Variants in POLB observed in about 807,000 individuals in gnomAD.
POLB encodes the protein DNA polymerase beta.
In POLB, 37 loss-of-function variants were observed where a neutral mutation model predicts 52.7. That is an observed-to-expected ratio of 0.70 (90% CI 0.54 to 0.92). The LOEUF (loss-of-function observed/expected upper bound fraction) is 0.92, where lower values mean the gene tolerates loss of function less well. Among genes scored for constraint, POLB ranks in the 40% least tolerant of loss-of-function variants. The pLI, the probability that POLB is intolerant of heterozygous loss-of-function variation, is 0.00. For missense variants in POLB, 313 were observed against 400.8 expected, an observed-to-expected ratio of 0.78 and a Z score of 1.87; for synonymous variants, 138 against 131.3, an observed-to-expected ratio of 1.05 and a Z score of -0.35.
intron 9 of POLB, among the ~76,000 whole-genome samples, chr8:42,359,236 C>A (rs951421435): frequency 1.3e-5 from 2 of 152,068 alleles, no homozygotes; most frequent in Non-Finnish European, 2.9e-5. Context: ...ATCTTTATTT[C>A]TTTCTTCTCT....
chr8:42,365,056 C>T (rs1184503951), intron 11 of POLB, among the ~76,000 whole-genome samples: 1 of 151,678 alleles, frequency 6.6e-6, no homozygotes, highest in Admixed American at 6.6e-5. Context: ...TACTGCACTC[C>T]AGCCTGGGTG....
rs546939939 is a variant in POLB, at chr8:42,369,919, A to G, written c.844A>G (p.Met282Val). 1 of 1,601,836 alleles carries G rather than the reference A, an allele frequency of 6.2e-7. No individual in the cohort carries two copies. Among genetic ancestry groups the G allele is most frequent in the Admixed American group, 1.7e-5 (1 of 59,918 alleles). ...TGGGAGTGATATTTTCAATAAGAAT[A>G]TGAGGGCTCATGCCCTAGAAAAGGG... ...FTGSDIFNKN[M>V]RAHALEKGFT... Residue 282 changes from methionine (M) to valine (V), a missense_variant, in exon 13 of 14, where the codon ATG becomes GTG. Met to Val is a conservative substitution (Grantham distance 21, BLOSUM62 1). Transcript: ENST00000265421.
intron 6 of POLB, among the ~76,000 whole-genome samples, chr8:42,352,797 A>C (rs1188997029): frequency 6.6e-6 from 1 of 152,164 alleles, no homozygotes; most frequent in Non-Finnish European, 1.5e-5. Flanking sequence ...ACCAAGAACC[A>C]GGGCCAGGCG....
intron 2 of POLB, among the ~76,000 whole-genome samples, chr8:42,340,402 G>A (rs1235936547): frequency 6.6e-6 from 1 of 152,222 alleles, no homozygotes; most frequent in Non-Finnish European, 1.5e-5. Flanking sequence ...TTCAGGGTAT[G>A]TGCGTAAGGT....
intron 12 of POLB, 74 bp from the exon 13 acceptor site, chr8:42,369,775 G>T (rs1180299697): frequency 3.1e-6 from 3 of 953,586 alleles, no homozygotes; most frequent in Non-Finnish European, 1.6e-6. Flanking sequence ...GTTCCTTATT[G>T]ATTTTAGGAG....
chr8:42,358,476 T>C (rs944684740), intron 9 of POLB, among the ~76,000 whole-genome samples: 1 of 151,916 alleles, frequency 6.6e-6, no homozygotes, highest in East Asian at 1.9e-4. Context: ...CACTCCAGCC[T>C]GGGCGACAGA....
rs1226190535 is a variant in POLB at position 42,369,307 on chromosome 8, G to A, written c.745G>A (p.Glu249Lys). 6.3e-7 allele frequency: 1 copy of A among 1,593,078 alleles called. No homozygotes were observed. ...CQLPSKNDEK[E>K]YPHRRIDIRL... ...GCTTCCCAGTAAAAATGATGAAAAA[G>A]AATATCCACACAGAAGAATTGATAT... is the stretch of plus-strand genomic sequence containing the variant. Residue 249 changes from glutamate to lysine, a missense_variant, in exon 12 of 14, where the codon GAA (glutamate) becomes AAA (lysine). By Grantham distance (56) the Glu-to-Lys change is moderately conservative (BLOSUM62 1). Coordinates refer to ENST00000265421, the MANE Select transcript of POLB (RefSeq NM_002690.3).
intron 13 of POLB, 128 bp downstream of exon 13, chr8:42,370,116 C>T: frequency 4.0e-6 from 3 of 758,184 alleles, no homozygotes; most frequent in Non-Finnish European, 6.9e-6. Context: ...ATTTTTAGTC[C>T]TTCAGGCAAC....
intron 11 of POLB, among the ~76,000 whole-genome samples, chr8:42,368,644 A>G (rs563626536): frequency 1.3e-5 from 2 of 152,334 alleles, no homozygotes; most frequent in East Asian, 3.8e-4. Context: ...TTGTAGAAGT[A>G]TAATGAAAAA....
In POLB at chr8:42,340,659, A is replaced by G. The variant is rs533778128; in HGVS notation, c.119+1590A>G. 1.3e-3 allele frequency among the ~76,000 whole-genome samples: 193 copies of G among 152,232 alleles called. 2 individuals carry two copies. The Middle Eastern group carries it at 0.024, about 19-fold the overall frequency. On this transcript the variant is annotated intron_variant, in intron 2 of 13. Transcript: ENST00000265421. ...TTGCCATTCTTGACTTTGAAATGCC[A>G]CTTATGTCAGTGACTCCAAATCTGT...
Position 42,361,382 on chromosome 8 carries a change from A to T in POLB, c.621+17A>T. 1 of 1,511,742 alleles carries T rather than the reference A, an allele frequency of 6.6e-7. No individual in the cohort carries two copies. The highest frequency in any genetic ancestry group is 9.2e-7 in the Non-Finnish European group (1 of 1,086,292). The allele number at this position is 1,511,742 out of a possible 1,614,324, so 93.6% of individuals were successfully genotyped here. A position where few individuals can be genotyped will look rare whatever the true frequency, so the allele number is the denominator to read the frequency against. ...ACCAAACAGGTGCCTCAGAGTTTAT[A>T]ATCAATGGTGATCAGTCTTACACAA... On this transcript the variant is annotated intron_variant, in intron 10 of 13. Transcript: ENST00000265421.
At chr8:42,351,100 C>T (rs1182458431) in intron 5 of POLB, among the ~76,000 whole-genome samples, 1 of 152,158 alleles carries the variant, frequency 6.6e-6, no homozygotes. Flanking sequence ...GTCTTGAACT[C>T]CTGGCCTCAA....
At chr8:42,353,569 C>T (rs10107427) in intron 6 of POLB, among the ~76,000 whole-genome samples, 1,570 of 151,906 alleles carry the variant, frequency 0.01, 29 homozygotes, top group African/African-American at 0.036. Flanking sequence ...AATTATAAAA[C>T]GTTTTCCTTA....
chr8:42,364,211 A>G (rs1823903126), intron 11 of POLB, among the ~76,000 whole-genome samples: 1 of 150,648 alleles, frequency 6.6e-6, no homozygotes, highest in Non-Finnish European at 1.5e-5. Flanking sequence ...GCAGGCATGA[A>G]CCACCGTGCC....
intron 3 of POLB, among the ~76,000 whole-genome samples, chr8:42,348,796 G>GAAATA (rs1822787879): frequency 6.6e-6 from 1 of 152,190 alleles, no homozygotes; most frequent in African/African-American, 2.4e-5. Context: ...TTTTAAATAA[G>GAAATA]ATATAATTAT....
intron 2 of POLB, among the ~76,000 whole-genome samples, chr8:42,341,607 G>A (rs1466772139): frequency 6.6e-6 from 1 of 152,208 alleles, no homozygotes; most frequent in East Asian, 1.9e-4. Context: ...CTCCCAGGGT[G>A]TATCCAATCT....
intron 5 of POLB, 100 bp from the exon 6 acceptor site, chr8:42,352,419 C>A: frequency 1.3e-6 from 1 of 783,792 alleles, no homozygotes; most frequent in South Asian, 1.4e-5. Context: ...TTTAGCAGGT[C>A]TTGTTTAGCT....
chr8:42,368,622 T>C (rs958259593), intron 11 of POLB, among the ~76,000 whole-genome samples: 1 of 152,178 alleles, frequency 6.6e-6, no homozygotes, highest in African/African-American at 2.4e-5. Flanking sequence ...TTGGATAACT[T>C]TTGTTTGGAA....
chr8:42,342,225 G>C, intron 2 of POLB: 1 of 1,546,672 alleles, frequency 6.5e-7, no homozygotes, highest in Non-Finnish European at 8.8e-7. Context: ...GCACCTGGCT[G>C]ACCATCAATG....
Sources: gnomAD v4.1 joint callset for allele counts (sites outside exome capture counted in the v4.1 genomes callset) on GRCh38, gnomAD v4.1.1 for gene constraint, MANE v1.5 for transcripts, NCBI Gene and HGNC (gene_info 2026-07-23, HGNC 2026-07-21) for gene names.